Variants in ZNF219 observed in about 807,000 individuals in gnomAD.
The protein encoded by ZNF219 is zinc finger protein 219.
Under a neutral mutation model 54.4 loss-of-function variants are expected in ZNF219, and 17 were observed. That is an observed-to-expected ratio of 0.31 (90% CI 0.21 to 0.47). The LOEUF is 0.47. ZNF219 is among the 20% of genes least tolerant of loss of function. ZNF219 has a pLI of 1.00. For synonymous variants in ZNF219, 518 were observed against 476.4 expected (o/e 1.09, Z -1.14); for missense variants, 1,014 against 1,062.3 (o/e 0.95, Z 0.63).
upstream of ZNF219, chr14:21,102,096 T>C (rs1889675869): frequency 6.4e-7 from 1 of 1,551,108 alleles, no homozygotes; most frequent in East Asian, 2.4e-5. Context: ...CTCTGGAGCT[T>C]CGCAGAGCAC....
upstream of ZNF219, chr14:21,103,089 T>C: frequency 6.4e-7 from 1 of 1,551,288 alleles, no homozygotes; most frequent in Non-Finnish European, 8.7e-7. Flanking sequence ...TGTCTGGGGT[T>C]TCTCCTTTCT....
At chr14:21,101,992 G>C, upstream of ZNF219, 1 of 1,551,024 alleles carries the variant, frequency 6.4e-7, no homozygotes. Context: ...CCCACCACAA[G>C]GGAGGGTGGA....
In ZNF219 at chr14:21,092,729, T is replaced by TC; in HGVS notation, c.567dup (p.Lys190GlufsTer66). The TC allele has an allele frequency of 6.3e-7, 1 of 1,589,500 alleles. No homozygotes were observed. The highest frequency in any genetic ancestry group is 8.6e-7 in the Non-Finnish European group (1 of 1,168,972). Reference sequence around the variant, plus strand: ...GAGCCGAAACTGCACAGGCCGCACTTCCAGGGCCTATGCAGGATGTGCAGG... The same window carrying TC: ...GAGCCGAAACTGCACAGGCCGCACTTCCCAGGGCCTATGCAGGATGTGCAGG... On this transcript the variant is annotated frameshift_variant, in exon 3 of 5. Transcript: ENST00000360947. LOFTEE classifies it high-confidence loss of function.
At chr14:21,094,300 C>T (rs1889152691) in intron 1 of ZNF219, 1 of 446,382 alleles carries the variant, frequency 2.2e-6, no homozygotes, top group Non-Finnish European at 4.5e-6. Flanking sequence ...GGGAGGGAGC[C>T]AGAGGGAGAG....
Position 21,090,961 on chromosome 14 carries a change from G to C in ZNF219, c.1744C>G (p.Pro582Ala), listed in dbSNP as rs767139613. The C allele has an allele frequency of 3.2e-6, 5 of 1,551,904 alleles. No homozygotes were observed. The highest frequency in any genetic ancestry group is 4.3e-6 in the Non-Finnish European group (5 of 1,154,976). ...SAPQSGAKPS[P>A]QPATWVEGAS... ...CCCTCCACCCAGGTCGCAGGCTGCG[G>C]AGACGGCTTGGCTCCAGATTGCGGG... The change falls in exon 5 of 5, where the codon CCG (proline) becomes GCG (alanine). Residue 582 changes from proline (P) to alanine (A), a missense_variant. By Grantham distance (27) the Pro-to-Ala change is conservative (BLOSUM62 -1). Around this residue, in one of 5 missense-constraint regions of ZNF219, gnomAD observed 281 missense variants for 271.2 expected, o/e 1.04. Coordinates refer to ENST00000360947, the MANE Select transcript of ZNF219 (RefSeq NM_016423.3). The surrounding 1 kb of genome is among the most constrained non-coding windows in gnomAD (Gnocchi z 4.4).
chr14:21,090,808 C>G lies in ZNF219; in HGVS notation c.1897G>C (p.Ala633Pro). 2 of 1,569,154 alleles carry G rather than the reference C, an allele frequency of 1.3e-6. No homozygotes were observed. The highest frequency in any genetic ancestry group is 2.3e-5 in the South Asian group (2 of 85,870). The part of the protein sequence containing the change: ...EAEPLDLSLR[A>P]GPGGEAGPGG... ...GGCCCGGCCTCGCCTCCCGGCCCTGCCCGCAAGGACAGGTCCAGGGGTTCG... is the reference window on the plus strand; with the variant it reads ...GGCCCGGCCTCGCCTCCCGGCCCTGGCCGCAAGGACAGGTCCAGGGGTTCG... The change falls in exon 5 of 5, where the codon GCA becomes CCA. Residue 633 changes from alanine (A) to proline (P), a missense_variant. By Grantham distance (27) the Ala-to-Pro change is conservative (BLOSUM62 -1). Coordinates refer to ENST00000360947, the MANE Select transcript of ZNF219 (RefSeq NM_016423.3). This position sits in a 1 kb window ranked among gnomAD's most constrained non-coding sequence, Gnocchi z 4.4.
At position 21,098,405 on chromosome 14, in the gene ZNF219, C is replaced by T; in HGVS notation, c.-177G>A. ...CGCGGGCGTCAGCGTTACGTGGGGC[C>T]GGGGGAGATGCGCCGGGCCCCGGCC... On this transcript the variant is annotated 5_prime_UTR_variant, in exon 1 of 5. Coordinates refer to ENST00000360947, the MANE Select transcript of ZNF219 (RefSeq NM_016423.3). 1.8e-6 allele frequency: 1 copy of T among 543,668 alleles called. No homozygotes were observed. Among genetic ancestry groups the T allele is most frequent in the Non-Finnish European group, 2.3e-6 (1 of 432,342 alleles). 33.7% of individuals were successfully genotyped at this position (543,668 alleles called of 1,614,324 possible). A position where few individuals can be genotyped will look rare whatever the true frequency, so the allele number is the denominator to read the frequency against.
chr14:21,093,428 C>T lies in ZNF219; in HGVS notation c.7-138G>A, dbSNP rs1029736355. ...AACTAGGAACACAGGGTGCTACTCA[C>T]CTCGGGAAGATGGGGTGGGGGGAGG... On this transcript the variant is annotated intron_variant, in intron 2 of 4. Transcript: ENST00000360947. 9.0e-6 allele frequency: 13 copies of T among 1,451,604 alleles called. No homozygotes were observed. In the African/African-American group the frequency reaches 1.7e-4, roughly 19 times the overall value. 89.9% of individuals were successfully genotyped at this position (1,451,604 alleles called of 1,614,324 possible).
Position 21,092,597 on chromosome 14 carries a change from G to A in ZNF219, c.700C>T (p.Pro234Ser), listed in dbSNP as rs940510929. Residue 234 changes from proline to serine, a missense_variant, in exon 3 of 5, where the codon CCT becomes TCT. Around this residue, in one of 5 missense-constraint regions of ZNF219, gnomAD observed 395 missense variants for 415.1 expected, o/e 0.95. Coordinates refer to ENST00000360947, the MANE Select transcript of ZNF219 (RefSeq NM_016423.3). ...GATCTGGGTTCGGGCTGGGGTGGAGGCTGAGGCTGAGGCTGAGGCGGAGGC... is the reference window on the plus strand; with the variant it reads ...GATCTGGGTTCGGGCTGGGGTGGAGACTGAGGCTGAGGCTGAGGCGGAGGC... ...AAPPPQPQPQ[P>S]PPQPEPRSVP... 4.0e-6 allele frequency: 4 copies of A among 990,404 alleles called. No individual in the cohort carries two copies. The South Asian group carries it at 6.6e-5, about 16-fold the overall frequency. 61.4% of individuals were successfully genotyped at this position (990,404 alleles called of 1,614,324 possible). A position where few individuals can be genotyped will look rare whatever the true frequency, so the allele number is the denominator to read the frequency against.
rs767490416 is a variant in ZNF219 at position 21,092,373 on chromosome 14, G to A, written c.924C>T (p.Gly308=). The change falls in exon 3 of 5, where the codon GGC becomes GGT. Residue 308 remains glycine (G), a synonymous_variant. Coordinates refer to ENST00000360947, the MANE Select transcript of ZNF219 (RefSeq NM_016423.3). ...ASFDHACPVC[G]RCFKEPWFLK... ...GGAACCAGGGCTCCTTGAAGCAGCGGCCGCACACCGGACACGCATGATCGA... is the reference window on the plus strand; with the variant it reads ...GGAACCAGGGCTCCTTGAAGCAGCGACCGCACACCGGACACGCATGATCGA... The A allele has an allele frequency of 1.3e-6, 2 of 1,577,112 alleles. No individual in the cohort carries two copies. Among genetic ancestry groups the A allele is most frequent in the South Asian group, 1.2e-5 (1 of 86,462 alleles).
At chr14:21,099,767 C>A (rs1018593450), upstream of ZNF219, among the ~76,000 whole-genome samples, 5 of 152,332 alleles carry the variant, frequency 3.3e-5, no homozygotes, top group East Asian at 9.6e-4. Flanking sequence ...TATTAACTTC[C>A]TTTTATAGAT....
chr14:21,091,751 A>C (rs948312773), intron 3 of ZNF219, 114 bp downstream of exon 3: 32 of 1,454,552 alleles, frequency 2.2e-5, no homozygotes, highest in African/African-American at 7.1e-5. Flanking sequence ...CAAAACAAAA[A>C]AACTCAGGAG....
At position 21,090,981 on chromosome 14, in the gene ZNF219, T is replaced by G; in HGVS notation, c.1724A>C (p.Gln575Pro). The G allele has an allele frequency of 1.3e-6, 2 of 1,549,850 alleles. No homozygotes were observed. The highest frequency in any genetic ancestry group is 4.8e-5 in the East Asian group (2 of 41,864). The change falls in exon 5 of 5, where the codon CAA becomes CCA. Residue 575 changes from glutamine to proline, a missense_variant. Physicochemically the swap from Gln to Pro is moderately conservative, Grantham distance 76. This residue lies in a region of ZNF219 where 281 missense variants were observed against 271.2 expected (regional missense o/e 1.04). Transcript: ENST00000360947. This position sits in a 1 kb window ranked among gnomAD's most constrained non-coding sequence, Gnocchi z 4.4. ...CTGCGGAGACGGCTTGGCTCCAGAT[T>G]GCGGGGCCGAACCCCGCTGGGAAGG... ...PPPSQRGSAP[Q>P]SGAKPSPQPA...
upstream of ZNF219, chr14:21,101,851 A>AC (rs779655564): frequency 1.5e-4 from 232 of 1,549,072 alleles, no homozygotes; most frequent in Non-Finnish European, 1.9e-4. Flanking sequence ...CAATTACCCT[A>AC]CCCTTACCCC....
Position 21,093,608 on chromosome 14 carries a change from C to T in ZNF219, c.-17G>A, listed in dbSNP as rs746850200. The T allele has an allele frequency of 6.2e-7, 1 of 1,614,136 alleles. No homozygotes were observed. Among genetic ancestry groups the T allele is most frequent in the Non-Finnish European group, 8.5e-7 (1 of 1,179,994 alleles). ...CACCTCCATGGACCCCCTTCACATT[C>T]TTTGGTTCTGGGAAGTGCAGGGAAG... On this transcript the variant is annotated 5_prime_UTR_variant, in exon 2 of 5. Coordinates refer to ENST00000360947, the MANE Select transcript of ZNF219 (RefSeq NM_016423.3).
In ZNF219 at chr14:21,098,394, T is replaced by G; in HGVS notation, c.-166A>C. On this transcript the variant is annotated 5_prime_UTR_variant, in exon 1 of 5. Coordinates refer to ENST00000360947, the MANE Select transcript of ZNF219 (RefSeq NM_016423.3). ...CGGGCCGGCGGCGCGGGCGTCAGCG[T>G]TACGTGGGGCCGGGGGAGATGCGCC... 1.0e-4 allele frequency: 47 copies of G among 452,810 alleles called. No individual in the cohort carries two copies. The highest frequency in any genetic ancestry group is 1.2e-4 in the Non-Finnish European group (42 of 351,542). The allele number at this position is 452,810 out of a possible 1,614,324, so 28.0% of individuals were successfully genotyped here.
Position 21,092,584 on chromosome 14 carries a change from G to T in ZNF219, c.713C>A (p.Pro238His). ...PQPQPQPPPQ[P>H]EPRSVPQPEP... ...CGGCTGGGGGACTGATCTGGGTTCG[G>T]GCTGGGGTGGAGGCTGAGGCTGAGG... Residue 238 changes from proline to histidine, a missense_variant, in exon 3 of 5, where the codon CCC becomes CAC. By Grantham distance (77) the Pro-to-His change is moderately conservative. Coordinates refer to ENST00000360947, the MANE Select transcript of ZNF219 (RefSeq NM_016423.3). 1 of 1,544,510 alleles carries T rather than the reference G, an allele frequency of 6.5e-7. No individual in the cohort carries two copies. The highest frequency in any genetic ancestry group is 2.0e-5 in the Admixed American group (1 of 50,152).
At chr14:21,100,780 G>T (rs1453106843), upstream of ZNF219, among the ~76,000 whole-genome samples, 1 of 152,168 alleles carries the variant, frequency 6.6e-6, no homozygotes, top group Non-Finnish European at 1.5e-5. Context: ...CAGACAGAAA[G>T]TAGGATCTCT....
Position 21,092,624 on chromosome 14 carries a change from C to A in ZNF219, c.673G>T (p.Ala225Ser). 6.4e-7 allele frequency: 1 copy of A among 1,556,016 alleles called. No homozygotes were observed. The highest frequency in any genetic ancestry group is 8.7e-7 in the Non-Finnish European group (1 of 1,152,670). Residue 225 changes from alanine to serine, a missense_variant, in exon 3 of 5, where the codon GCG becomes TCG. Physicochemically the swap from Ala to Ser is moderately conservative, Grantham distance 99. Transcript: ENST00000360947. ...TGAGGCTGAGGCTGAGGCGGAGGCG[C>A]AGCGGAGGTGGCCGCCAGGGGACGC... ...PERPLAATSA[A>S]PPPQPQPQPP...
Sources: gnomAD v4.1 joint callset for allele counts (sites outside exome capture counted in the v4.1 genomes callset) on GRCh38, gnomAD v4.1.1 for gene constraint, gnomAD v4.1.1 regional missense constraint, Gnocchi (gnomAD v3.1) non-coding constraint, MANE v1.5 for transcripts, NCBI Gene and HGNC (gene_info 2026-07-23, HGNC 2026-07-21) for gene names.